The following RYR2 variants were observed in gnomAD, a reference collection of about 807,000 sequenced individuals.
RYR2 encodes ryanodine receptor 2, also known as cardiac muscle ryanodine receptor-calcium release channel.
Under a neutral mutation model 601.1 loss-of-function variants are expected in RYR2, and 227 were observed. That is an observed-to-expected ratio of 0.38 (90% CI 0.34 to 0.42). RYR2 has a LOEUF of 0.42. Ranked by LOEUF, RYR2 falls within the 10% of genes least tolerant of loss-of-function variation. The pLI is 1.00. For missense variants in RYR2, 4,646 were observed against 6,156.5 expected, an observed-to-expected ratio of 0.75 and a Z score of 8.21; for synonymous variants, 2,223 against 2,175.1, an observed-to-expected ratio of 1.02 and a Z score of -0.61.
At chr1:237,196,804 TAC>T (rs1184174741) in intron 1 of RYR2, among the ~76,000 whole-genome samples, 1 of 152,190 alleles carries the variant, frequency 6.6e-6, no homozygotes, top group Non-Finnish European at 1.5e-5. Flanking sequence ...GTCTGTAAGA[TAC>T]ACAGTCAGTA....
At chr1:237,314,024 C>CAA (rs373360513) in intron 2 of RYR2, among the ~76,000 whole-genome samples, 6 of 43,852 alleles carry the variant, frequency 1.4e-4, no homozygotes, top group Non-Finnish European at 1.9e-4. Context: ...AGAAACTCAG[C>CAA]AAAAAAAAAA....
In RYR2 at chr1:237,732,162, G is replaced by A. The variant is rs727504882; in HGVS notation, c.11039+13G>A. 2 of 1,544,980 alleles carry A rather than the reference G, an allele frequency of 1.3e-6. No individual in the cohort carries two copies. The highest frequency in any genetic ancestry group is 2.7e-5 in the African/African-American group (2 of 73,388). ...TAACAGAGAAATGGTATGGTTGGGA[G>A]GGTTCCTATGAGACATAGGAGGAGC... On this transcript the variant is annotated intron_variant, in intron 78 of 104. Transcript: ENST00000366574.
intron 12 of RYR2, among the ~76,000 whole-genome samples, chr1:237,429,355 C>T (rs1706548197): frequency 6.6e-6 from 1 of 152,088 alleles, no homozygotes; most frequent in Admixed American, 6.6e-5. Context: ...ATCTCTGCAC[C>T]AAAACAACTG....
At chr1:237,271,904 C>T (rs1039156567) in intron 2 of RYR2, among the ~76,000 whole-genome samples, 7 of 152,154 alleles carry the variant, frequency 4.6e-5, no homozygotes, top group South Asian at 2.1e-4. Flanking sequence ...CCAAGGCAGG[C>T]GGATCACTTG....
At chr1:237,687,360 C>CTTA in intron 62 of RYR2, 95 bp from the exon 63 acceptor site, 1 of 492,264 alleles carries the variant, frequency 2.0e-6, no homozygotes, top group Non-Finnish European at 3.2e-6. Context: ...TTTCTTTTTT[C>CTTA]TTCTTCTTTT....
chr1:237,338,722 A>G (rs1320478935), intron 3 of RYR2, among the ~76,000 whole-genome samples: 3 of 152,158 alleles, frequency 2.0e-5, no homozygotes, highest in Admixed American at 6.5e-5. Flanking sequence ...GTATTATGGT[A>G]TCTGCTCAGA....
intron 62 of RYR2, 89 bp from the exon 63 acceptor site, chr1:237,687,366 C>CTTT (rs10679267): frequency 0.011 from 2,788 of 258,128 alleles, 17 homozygotes; most frequent in South Asian, 0.018. Flanking sequence ...TTTTCTTCTT[C>CTTT]TTTTTTTTTT....
chr1:237,657,841 A>C, intron 53 of RYR2, 103 bp from the exon 54 acceptor site: 1 of 595,300 alleles, frequency 1.7e-6, no homozygotes, highest in Non-Finnish European at 2.9e-6. Context: ...AACAGTTAAA[A>C]TTGAATGAGA....
chr1:237,709,520 C>G lies in RYR2; in HGVS notation c.10183C>G (p.Leu3395Val), dbSNP rs1300903918. Residue 3395 changes from leucine (L) to valine (V), a missense_variant, in exon 70 of 105, where the codon CTC (leucine) becomes GTC (valine). Physicochemically the swap from Leu to Val is conservative, Grantham distance 32 (BLOSUM62 1). Transcript: ENST00000366574. ...GGAGCCTAACCCAGAAGCAGAGGAG[C>G]TCTTCCGCATGGTGGCTGAAGTGTT... ...LKEPNPEAEE[L>V]FRMVAEVFIY... 1 of 1,612,210 alleles carries G rather than the reference C, an allele frequency of 6.2e-7. No homozygotes were observed. Among genetic ancestry groups the G allele is most frequent in the Non-Finnish European group, 8.5e-7 (1 of 1,179,030 alleles).
At chr1:237,349,862 G>A (rs1698608815) in intron 3 of RYR2, among the ~76,000 whole-genome samples, 1 of 152,096 alleles carries the variant, frequency 6.6e-6, no homozygotes, top group South Asian at 2.1e-4. Flanking sequence ...GGGAAAAGAA[G>A]TAACATATGG....
At chr1:237,526,111 G>C (rs567300795) in intron 24 of RYR2, among the ~76,000 whole-genome samples, 180 of 152,184 alleles carry the variant, frequency 1.2e-3, no homozygotes, top group African/African-American at 3.6e-3. Context: ...TTCCCAAAGG[G>C]GTTGAACTAA....
chr1:237,081,280 T>TTAAAAAAAAAAA (rs1553284184), intron 1 of RYR2, among the ~76,000 whole-genome samples: 2 of 56,256 alleles, frequency 3.6e-5, no homozygotes, highest in Admixed American at 1.9e-4. Context: ...TAGAGTATAA[T>TTAAAAAAAAAAA]AAAAAAAAAA....
At chr1:237,808,005 A>G (rs890234228) in intron 99 of RYR2, among the ~76,000 whole-genome samples, 5 of 152,200 alleles carry the variant, frequency 3.3e-5, no homozygotes, top group Non-Finnish European at 5.9e-5. Flanking sequence ...CAATTCTATC[A>G]TATACTTATA....
Position 237,617,455 on chromosome 1 carries a change from CA to C in RYR2, c.5888del (p.Lys1963ArgfsTer41). ...NMSAALTARKTKEFRSPPQEQ... is the reference protein window; with the variant it reads ...NMSAALTARKXKEFRSPPQEQ... ...TCAGCTGCACTCACAGCCAGGAAGA[CA>C]AAGGAATTTAGATCACCACCTCAAG... On this transcript the variant is annotated frameshift_variant, in exon 38 of 105. Coordinates refer to ENST00000366574, the MANE Select transcript of RYR2 (RefSeq NM_001035.3). LOFTEE classifies it high-confidence loss of function. 6.2e-7 allele frequency: 1 copy of C among 1,613,812 alleles called. No homozygotes were observed. Among genetic ancestry groups the C allele is most frequent in the Non-Finnish European group, 8.5e-7 (1 of 1,179,806 alleles).
intron 1 of RYR2, among the ~76,000 whole-genome samples, chr1:237,053,386 A>G (rs958197928): frequency 5.9e-5 from 9 of 152,202 alleles, no homozygotes; most frequent in Admixed American, 2.0e-4. Flanking sequence ...CTTCACTGCC[A>G]TTCCCTTTGT....
intron 3 of RYR2, among the ~76,000 whole-genome samples, chr1:237,342,832 C>T (rs773356579): frequency 1.3e-5 from 2 of 152,162 alleles, no homozygotes; most frequent in African/African-American, 2.4e-5. Context: ...AATATTGCCG[C>T]GCACTGATTT....
At chr1:237,153,868 T>G (rs1675011292) in intron 1 of RYR2, among the ~76,000 whole-genome samples, 1 of 152,238 alleles carries the variant, frequency 6.6e-6, no homozygotes, top group Non-Finnish European at 1.5e-5. Context: ...AACAGGGTTT[T>G]TGTTTTGTTT....
chr1:237,762,039 T>G (rs866100891), intron 84 of RYR2, among the ~76,000 whole-genome samples: 2 of 152,338 alleles, frequency 1.3e-5, no homozygotes, highest in Middle Eastern at 3.4e-3. Context: ...ATTTTAAAGT[T>G]TATTATTAAT....
chr1:237,626,574 C>CTTTTTTT (rs1679680836), intron 40 of RYR2, among the ~76,000 whole-genome samples: 3 of 60,090 alleles, frequency 5.0e-5, no homozygotes, highest in African/African-American at 5.7e-5. Context: ...TTTTCTTTTT[C>CTTTTTTT]TTTTTCTTTT....
Sources: allele counts gnomAD v4.1 joint callset (sites outside exome capture counted in the v4.1 genomes callset), GRCh38; gene constraint gnomAD v4.1.1; transcripts MANE v1.5; gene names NCBI Gene and HGNC (gene_info 2026-07-23, HGNC 2026-07-21).